The following ZNF341 variants were observed in gnomAD, a reference collection of about 807,000 sequenced individuals.
The protein encoded by ZNF341 is zinc finger protein 341.
Under a neutral mutation model 87.7 loss-of-function variants are expected in ZNF341, and 52 were observed. The observed-to-expected ratio is 0.59, with a 90% confidence interval of 0.47 to 0.75. ZNF341 has a LOEUF of 0.75. Ranked by LOEUF, ZNF341 falls within the 30% of genes least tolerant of loss-of-function variation. The pLI is 0.00. For synonymous variants in ZNF341, 459 were observed against 472.7 expected (o/e 0.97, Z 0.38); for missense variants, 977 against 1,145.9 (o/e 0.85, Z 2.13).
At chr20:33,771,078 T>C (rs896262847) in intron 10 of ZNF341, among the ~76,000 whole-genome samples, 1 of 151,918 alleles carries the variant, frequency 6.6e-6, no homozygotes, top group Non-Finnish European at 1.5e-5. Flanking sequence ...GCTGAGACCG[T>C]GTCACTGCAC....
intron 3 of ZNF341, among the ~76,000 whole-genome samples, chr20:33,745,734 T>G (rs1242799659): frequency 1.3e-5 from 2 of 151,484 alleles, no homozygotes; most frequent in African/African-American, 4.8e-5. Context: ...GGGAATGAGT[T>G]ATGCGGCTGG....
intron 9 of ZNF341, among the ~76,000 whole-genome samples, chr20:33,768,218 G>A (rs113863845): frequency 1.3e-5 from 2 of 151,860 alleles, no homozygotes; most frequent in African/African-American, 4.8e-5. Context: ...CACCTCCCAC[G>A]TTCAAGGGAT....
chr20:33,777,362 C>T (rs6059464), intron 10 of ZNF341, among the ~76,000 whole-genome samples: 3,497 of 142,690 alleles, frequency 0.025, 143 homozygotes, highest in African/African-American at 0.086. Context: ...AGGCCAGGTG[C>T]GGTGGCTCAC....
intron 5 of ZNF341, among the ~76,000 whole-genome samples, chr20:33,756,540 G>T (rs1312817656): frequency 6.6e-6 from 1 of 151,952 alleles, no homozygotes; most frequent in Non-Finnish European, 1.5e-5. Flanking sequence ...CTTAATTTTT[G>T]TATTTTTAGT....
At chr20:33,750,963 CAG>C (rs1370431194) in intron 4 of ZNF341, among the ~76,000 whole-genome samples, 1 of 151,550 alleles carries the variant, frequency 6.6e-6, no homozygotes, top group Admixed American at 6.6e-5. Flanking sequence ...TTTTTAGAGA[CAG>C]AGTCTCGCTA....
chr20:33,740,902 G>A lies in ZNF341; in HGVS notation c.32G>A (p.Gly11Glu). Reference sequence around the variant, plus strand: ...AAAGAGGCTGCACTTCTTTTTTCAGGAATGGACAATCAGACCGTTCTGGCT... The same window carrying A: ...AAAGAGGCTGCACTTCTTTTTTCAGAAATGGACAATCAGACCGTTCTGGCT... The part of the protein sequence containing the change: MAQAIFEALE[G>E]MDNQTVLAVQ... The change falls in exon 2 of 15, where the codon GGA becomes GAA. Residue 11 changes from glycine to glutamate, a missense_variant and splice_region_variant. Gly to Glu is a moderately conservative substitution (Grantham distance 98). This residue lies in a region of ZNF341 where 515 missense variants were observed against 598.2 expected (regional missense o/e 0.86). Transcript: ENST00000375200. 2 of 1,613,962 alleles carry A rather than the reference G, an allele frequency of 1.2e-6. No homozygotes were observed. The highest frequency in any genetic ancestry group is 2.2e-5 in the East Asian group (1 of 44,878).
At chr20:33,787,425 G>A (rs1316826784) in intron 12 of ZNF341, 3 of 152,160 alleles carry the variant, frequency 2.0e-5, no homozygotes, top group Non-Finnish European at 4.4e-5. Flanking sequence ...GTAGGGACCA[G>A]CATTTCCGTA....
At chr20:33,758,892 C>T (rs948796936) in intron 7 of ZNF341, 86 bp downstream of exon 7, 20 of 1,234,910 alleles carry the variant, frequency 1.6e-5, no homozygotes, top group African/African-American at 1.2e-4. Flanking sequence ...TTCTCAGCCC[C>T]TAGCCTGTGG....
intron 9 of ZNF341, 27 bp from the exon 10 acceptor site, chr20:33,770,057 G>C: frequency 3.8e-6 from 6 of 1,583,960 alleles, no homozygotes; most frequent in Non-Finnish European, 5.2e-6. Flanking sequence ...CCTGCCTCCT[G>C]TCACCTGCCC....
At chr20:33,751,667 T>C (rs574024612) in intron 4 of ZNF341, among the ~76,000 whole-genome samples, 2 of 152,228 alleles carry the variant, frequency 1.3e-5, no homozygotes, top group African/African-American at 2.4e-5. Context: ...TCCACCTCCC[T>C]GGGCTCAGGT....
intron 4 of ZNF341, among the ~76,000 whole-genome samples, chr20:33,750,190 C>T (rs1051621520): frequency 3.3e-5 from 5 of 152,172 alleles, no homozygotes; most frequent in African/African-American, 1.2e-4. Context: ...CTCCTGGGCT[C>T]AAGGGATCCT....
At chr20:33,757,842 T>C (rs2019212647) in intron 6 of ZNF341, among the ~76,000 whole-genome samples, 1 of 152,178 alleles carries the variant, frequency 6.6e-6, no homozygotes, top group African/African-American at 2.4e-5. Flanking sequence ...GCTAGGGACA[T>C]TGATATTCCC....
At position 33,745,282 on chromosome 20, in the gene ZNF341, A is replaced by C; in HGVS notation, c.322A>C (p.Thr108Pro). 6.2e-7 allele frequency: 1 copy of C among 1,611,736 alleles called. No individual in the cohort carries two copies. The highest frequency in any genetic ancestry group is 8.5e-7 in the Non-Finnish European group (1 of 1,178,430). Residue 108 changes from threonine (T) to proline (P), a missense_variant, in exon 3 of 15, where the codon ACT (threonine) becomes CCT (proline). Thr to Pro is a conservative substitution (Grantham distance 38, BLOSUM62 -1). Coordinates refer to ENST00000375200, the MANE Select transcript of ZNF341 (RefSeq NM_001282933.2). ...AAPTAVQQAPTPANRQISTYI... is the reference protein window; with the variant it reads ...AAPTAVQQAPPPANRQISTYI... ...ACCCACAGCGGTCCAGCAGGCCCCA[A>C]CTCCTGCCAATCGCCAGGTATTTGT...
chr20:33,741,797 G>A (rs78701646), intron 2 of ZNF341, among the ~76,000 whole-genome samples: 5,156 of 152,304 alleles, frequency 0.034, 298 homozygotes, highest in African/African-American at 0.12. Flanking sequence ...CACACTAGGG[G>A]CAGGGAGATA....
intron 1 of ZNF341, among the ~76,000 whole-genome samples, chr20:33,733,701 C>T (rs956715570): frequency 6.6e-6 from 1 of 152,130 alleles, no homozygotes; most frequent in Non-Finnish European, 1.5e-5. Context: ...GATCACAATT[C>T]GCACCAGGAA....
chr20:33,754,991 G>A (rs1169995594), intron 5 of ZNF341, among the ~76,000 whole-genome samples: 2 of 152,208 alleles, frequency 1.3e-5, no homozygotes, highest in Non-Finnish European at 2.9e-5. Context: ...CGCCCAGGTT[G>A]GAGTGCAGTG....
chr20:33,754,583 A>G (rs1194618293), intron 5 of ZNF341, among the ~76,000 whole-genome samples: 2 of 152,186 alleles, frequency 1.3e-5, no homozygotes, highest in Non-Finnish European at 2.9e-5. Context: ...TAGGGAATTT[A>G]TTGCATTGAG....
intron 4 of ZNF341, among the ~76,000 whole-genome samples, chr20:33,750,094 G>T (rs2019021525): frequency 6.6e-6 from 1 of 152,138 alleles, no homozygotes; most frequent in Non-Finnish European, 1.5e-5. Context: ...TAGAAAAATA[G>T]AAAATGCACA....
chr20:33,732,037 T>C lies in ZNF341; in HGVS notation c.16T>C (p.Phe6Leu). 4.3e-6 allele frequency: 6 copies of C among 1,403,998 alleles called. No homozygotes were observed. The highest frequency in any genetic ancestry group is 5.6e-6 in the Non-Finnish European group (6 of 1,073,848). 87.0% of individuals were successfully genotyped at this position (1,403,998 alleles called of 1,614,324 possible). The change falls in exon 1 of 15, where the codon TTT becomes CTT. Residue 6 changes from phenylalanine to leucine, a missense_variant. Phe to Leu is a conservative substitution (Grantham distance 22). Transcript: ENST00000375200. The surrounding 1 kb of genome is among the most constrained non-coding windows in gnomAD (Gnocchi z 4.5). MAQAI[F>L]EALEGMDNQT... ...CGGCTCCAAGATGGCGCAGGCGATC[T>C]TTGAGGCCCTGGAGGGTGAGCGGCG...
Sources: allele counts gnomAD v4.1 joint callset (sites outside exome capture counted in the v4.1 genomes callset), GRCh38; gene constraint gnomAD v4.1.1; regional missense constraint gnomAD v4.1.1; non-coding constraint Gnocchi (gnomAD v3.1); transcripts MANE v1.5; gene names NCBI Gene and HGNC (gene_info 2026-07-23, HGNC 2026-07-21).